PPP1R21: variants seen among roughly 807,000 people sequenced by gnomAD.
PPP1R21 encodes the protein KLRAQ motif containing 1.
PPP1R21 carries 85 observed loss-of-function variants against 112.8 expected under a neutral mutation model. That is an observed-to-expected ratio of 0.75 (90% confidence interval 0.63 to 0.90). The LOEUF is 0.90. PPP1R21 is among the 40% of genes least tolerant of loss of function. The pLI, the probability that PPP1R21 is intolerant of heterozygous loss-of-function variation, is 0.00. For missense variants in PPP1R21, 1,199 were observed against 901.5 expected, an observed-to-expected ratio of 1.33 and a Z score of -4.23; for synonymous variants, 381 against 322.3, an observed-to-expected ratio of 1.18 and a Z score of -1.95.
At chr2:48,460,005 G>C (rs912904512) in intron 5 of PPP1R21, 87 bp downstream of exon 5, 10 of 1,592,542 alleles carry the variant, frequency 6.3e-6, no homozygotes, top group Non-Finnish European at 7.7e-6. Context: ...AGTCATTTCT[G>C]GTGAGACTTT....
rs1305649199 is a variant in PPP1R21 at position 48,469,322 on chromosome 2, TATATATATAGAGCATATATATATATAGC to T, written c.898-1755_898-1728del. Among the ~76,000 whole-genome samples, 222 of 27,388 alleles carry T rather than the reference TATATATATAGAGCATATATATATATAGC, an allele frequency of 8.1e-3. 8 individuals carry two copies. The highest frequency in any genetic ancestry group is 0.01 in the Admixed American group (20 of 1,966). 18.0% of individuals were successfully genotyped at this position (27,388 alleles called of 152,430 possible). A position where few individuals can be genotyped will look rare whatever the true frequency, so the allele number is the denominator to read the frequency against. On this transcript the variant is annotated intron_variant, in intron 9 of 21. Transcript: ENST00000294952. ...ATGTATATATATACACACACACACA[TATATATATAGAGCATATATATATATAGC>T]ATATATATATAGAGCATATATATAT...
chr2:48,459,801 G>T lies in PPP1R21; in HGVS notation c.423G>T (p.Arg141Ser). 2 of 1,614,056 alleles carry T rather than the reference G, an allele frequency of 1.2e-6. No homozygotes were observed. The highest frequency in any genetic ancestry group is 1.7e-6 in the Non-Finnish European group (2 of 1,180,034). The stretch of plus-strand genomic sequence containing the variant: ...ACAAGCATGTGGAAGCAGAGCTGAG[G>T]AGTCGACTGGCCACTCTGGAGACAG... ...EQHKHVEAEL[R>S]SRLATLETEA... The change falls in exon 5 of 22, where the codon AGG becomes AGT. Residue 141 changes from arginine (R) to serine (S), a missense_variant. Arg to Ser is a moderately radical substitution (Grantham distance 110). Transcript: ENST00000294952.
intron 14 of PPP1R21, among the ~76,000 whole-genome samples, chr2:48,487,659 G>C (rs1181166675): frequency 6.6e-6 from 1 of 151,662 alleles, no homozygotes; most frequent in Non-Finnish European, 1.5e-5. Flanking sequence ...TACTTGGGTG[G>C]CTGAGGTAGG....
intron 17 of PPP1R21, 46 bp downstream of exon 17, chr2:48,498,781 A>C (rs1262918926): frequency 1.3e-6 from 2 of 1,588,570 alleles, no homozygotes; most frequent in African/African-American, 1.3e-5. Context: ...TTAAATGCTA[A>C]TTGGTAAGTA....
chr2:48,510,331 A>G (rs1344876907), intron 20 of PPP1R21, among the ~76,000 whole-genome samples: 1 of 152,264 alleles, frequency 6.6e-6, no homozygotes, highest in African/African-American at 2.4e-5. Context: ...ATCATTTTAT[A>G]GTCGGCTTTT....
intron 9 of PPP1R21, among the ~76,000 whole-genome samples, chr2:48,468,467 C>CT (rs1438031374): frequency 6.6e-6 from 1 of 152,144 alleles, no homozygotes; most frequent in East Asian, 1.9e-4. Context: ...GAAGACAGTA[C>CT]TGCAACATTT....
At chr2:48,502,898 C>T (rs1295778255) in intron 17 of PPP1R21, among the ~76,000 whole-genome samples, 19 of 151,784 alleles carry the variant, frequency 1.3e-4, no homozygotes, top group African/African-American at 2.2e-4. Flanking sequence ...GCCAGGATGG[C>T]CTCAATCTCC....
rs189069730 is a variant in PPP1R21 at position 48,488,868 on chromosome 2, A to C, written c.1446+2110A>C. ...AGGAAAGTGTAGTATATTCATATTAAAGAAAGTTTGGAAAATGTAGAAATA... is the reference window on the plus strand; with the variant it reads ...AGGAAAGTGTAGTATATTCATATTACAGAAAGTTTGGAAAATGTAGAAATA... On this transcript the variant is annotated intron_variant, in intron 14 of 21. Coordinates refer to ENST00000294952, the MANE Select transcript of PPP1R21 (RefSeq NM_001135629.3). Among the ~76,000 whole-genome samples the C allele has an allele frequency of 2.0e-5, 3 of 152,312 alleles. No homozygotes were observed. In the East Asian group the frequency reaches 5.8e-4, roughly 29 times the overall value.
At chr2:48,485,502 G>A (rs1267282989) in intron 13 of PPP1R21, among the ~76,000 whole-genome samples, 1 of 152,082 alleles carries the variant, frequency 6.6e-6, no homozygotes, top group Non-Finnish European at 1.5e-5. Context: ...TGGCTAAAGG[G>A]TGTAATGAAA....
chr2:48,497,893 A>C (rs141998677), intron 16 of PPP1R21, among the ~76,000 whole-genome samples: 5,544 of 152,068 alleles, frequency 0.036, 127 homozygotes, highest in Non-Finnish European at 0.055. Flanking sequence ...CCTCGTGATC[A>C]GCCCGCCTCG....
intron 15 of PPP1R21, among the ~76,000 whole-genome samples, chr2:48,495,363 C>T (rs1466275209): frequency 2.6e-5 from 4 of 152,066 alleles, no homozygotes; most frequent in African/African-American, 9.7e-5. Context: ...GCCACCATAC[C>T]CGGCTAATTT....
chr2:48,491,319 G>C (rs1340422606), intron 15 of PPP1R21, 149 bp downstream of exon 15: 2 of 827,536 alleles, frequency 2.4e-6, no homozygotes, highest in Non-Finnish European at 3.6e-6. Context: ...AGGGCTGTGG[G>C]GAAGAGGAGG....
At chr2:48,469,299 G>GTA (rs1383375942) in intron 9 of PPP1R21, among the ~76,000 whole-genome samples, 1 of 68,002 alleles carries the variant, frequency 1.5e-5, no homozygotes, top group Non-Finnish European at 3.3e-5. Context: ...GTGTGTGTAT[G>GTA]TATATATATA....
At chr2:48,469,238 C>T (rs1269587986) in intron 9 of PPP1R21, among the ~76,000 whole-genome samples, 2 of 140,224 alleles carry the variant, frequency 1.4e-5, no homozygotes, top group Non-Finnish European at 3.1e-5. Flanking sequence ...GGGACACAGC[C>T]AAACCATATC....
At chr2:48,471,013 G>C in intron 9 of PPP1R21, 74 bp from the exon 10 acceptor site, 8 of 995,240 alleles carry the variant, frequency 8.0e-6, no homozygotes, top group Non-Finnish European at 1.3e-5. Flanking sequence ...ATAATTTGGT[G>C]GGTCCATTTA....
At chr2:48,445,573 C>T (rs1353835296) in intron 1 of PPP1R21, among the ~76,000 whole-genome samples, 3 of 152,120 alleles carry the variant, frequency 2.0e-5, no homozygotes, top group East Asian at 3.8e-4. Context: ...GTCCAAAGAC[C>T]ACACTTGGGA....
intron 1 of PPP1R21, among the ~76,000 whole-genome samples, chr2:48,447,123 T>TA (rs1667283447): frequency 6.6e-6 from 1 of 152,222 alleles, no homozygotes; most frequent in Non-Finnish European, 1.5e-5. Flanking sequence ...CTGAATAGTT[T>TA]AATTTTAAAG....
At chr2:48,495,395 G>A (rs1382217974) in intron 15 of PPP1R21, among the ~76,000 whole-genome samples, 9 of 151,904 alleles carry the variant, frequency 5.9e-5, no homozygotes, top group African/African-American at 2.2e-4. Flanking sequence ...GTAGAGATGG[G>A]GTTTCACCAT....
rs147453938 is a variant in PPP1R21 at position 48,507,288 on chromosome 2, G to C, written c.1988G>C (p.Arg663Pro). ...ATTTAGGTTCCAGATGTGGAATCTCGTGAAGACTTAATTAAAAATCACTAC... is the reference window on the plus strand; with the variant it reads ...ATTTAGGTTCCAGATGTGGAATCTCCTGAAGACTTAATTAAAAATCACTAC... The part of the protein sequence containing the change: ...SDSEVPDVES[R>P]EDLIKNHYMA... Residue 663 changes from arginine (R) to proline (P), a missense_variant, in exon 19 of 22, where the codon CGT becomes CCT. By Grantham distance (103) the Arg-to-Pro change is moderately radical. Transcript: ENST00000294952. 1 of 1,565,300 alleles carries C rather than the reference G, an allele frequency of 6.4e-7. No individual in the cohort carries two copies. Among genetic ancestry groups the C allele is most frequent in the East Asian group, 2.4e-5 (1 of 41,182 alleles).
Sources: gnomAD v4.1 joint callset for allele counts (sites outside exome capture counted in the v4.1 genomes callset) on GRCh38, gnomAD v4.1.1 for gene constraint, MANE v1.5 for transcripts, NCBI Gene and HGNC (gene_info 2026-07-23, HGNC 2026-07-21) for gene names.